The following PARM1 variants were observed in gnomAD, a reference collection of about 807,000 sequenced individuals.
PARM1 encodes WSC4, cell wall integrity and stress response component 4 homolog.
Under a neutral mutation model 24.6 loss-of-function variants are expected in PARM1, and 14 were observed. The ratio of observed to expected loss-of-function variants is 0.57; its 90% CI spans 0.38 to 0.89. PARM1 has a LOEUF of 0.89. Among genes scored for constraint, PARM1 ranks in the 40% least tolerant of loss-of-function variants. PARM1 has a pLI of 0.00. For missense variants in PARM1, 362 were observed against 380.4 expected (o/e 0.95, Z 0.40); for synonymous variants, 179 against 156.6 (o/e 1.14, Z -1.07).
chr4:74,949,401 C>T (rs1365871873), intron 1 of PARM1, among the ~76,000 whole-genome samples: 1 of 152,148 alleles, frequency 6.6e-6, no homozygotes, highest in Admixed American at 6.5e-5. Context: ...TCACTGCAAG[C>T]TCCGCCTCCC....
chr4:75,045,311 C>T (rs1324601986), intron 3 of PARM1, among the ~76,000 whole-genome samples: 1 of 152,168 alleles, frequency 6.6e-6, no homozygotes, highest in African/African-American at 2.4e-5. Flanking sequence ...GGGCCAGACC[C>T]CATAGGGCTT....
At chr4:74,937,140 T>G (rs1254856176) in intron 1 of PARM1, among the ~76,000 whole-genome samples, 8 of 152,200 alleles carry the variant, frequency 5.3e-5, no homozygotes, top group African/African-American at 1.7e-4. Flanking sequence ...AAGGAAGACT[T>G]ACTTCACCCT....
chr4:74,962,141 G>A (rs1462970576), intron 1 of PARM1, among the ~76,000 whole-genome samples: 1 of 152,124 alleles, frequency 6.6e-6, no homozygotes, highest in Non-Finnish European at 1.5e-5. Flanking sequence ...ATACAGTTCT[G>A]TAATATCAAT....
At chr4:74,935,189 C>T (rs943446080) in intron 1 of PARM1, among the ~76,000 whole-genome samples, 1 of 151,844 alleles carries the variant, frequency 6.6e-6, no homozygotes, top group African/African-American at 2.4e-5. Flanking sequence ...CTGTGAGGCT[C>T]GAGACTCAGG....
intron 1 of PARM1, among the ~76,000 whole-genome samples, chr4:74,996,526 C>CA (rs1722579360): frequency 6.6e-6 from 1 of 151,270 alleles, no homozygotes; most frequent in Non-Finnish European, 1.5e-5. Context: ...TGTAGATTGA[C>CA]CTATTGAATT....
chr4:74,989,997 G>A (rs1301032351), intron 1 of PARM1, among the ~76,000 whole-genome samples: 1 of 152,088 alleles, frequency 6.6e-6, no homozygotes, highest in African/African-American at 2.4e-5. Context: ...ATGAATATGA[G>A]AAACACTGGA....
intron 1 of PARM1, among the ~76,000 whole-genome samples, chr4:74,944,662 C>A (rs752344484): frequency 2.0e-5 from 3 of 152,138 alleles, no homozygotes; most frequent in Non-Finnish European, 2.9e-5. Flanking sequence ...TTCAATGCCT[C>A]CCATCTCAAA....
At chr4:74,981,978 A>G (rs753995105) in intron 1 of PARM1, among the ~76,000 whole-genome samples, 4 of 152,050 alleles carry the variant, frequency 2.6e-5, no homozygotes, top group Non-Finnish European at 4.4e-5. Flanking sequence ...TCATTCTGTT[A>G]TAAGATACCC....
At chr4:74,972,602 T>G (rs1722060766) in intron 1 of PARM1, among the ~76,000 whole-genome samples, 1 of 152,218 alleles carries the variant, frequency 6.6e-6, no homozygotes, top group Non-Finnish European at 1.5e-5. Context: ...GTAAATAGCT[T>G]CTTGGAACCA....
At chr4:74,981,852 CTGAG>C in intron 1 of PARM1, among the ~76,000 whole-genome samples, 1 of 137,768 alleles carries the variant, frequency 7.3e-6, no homozygotes, top group African/African-American at 2.8e-5. Flanking sequence ...AAATAACAGT[CTGAG>C]TGATAAAGTG....
At chr4:75,015,978 A>C (rs745946811) in intron 2 of PARM1, among the ~76,000 whole-genome samples, 1 of 152,216 alleles carries the variant, frequency 6.6e-6, no homozygotes, top group Non-Finnish European at 1.5e-5. Flanking sequence ...CACATTTTGC[A>C]TAGCATTTTG....
intron 1 of PARM1, among the ~76,000 whole-genome samples, chr4:74,983,661 C>T (rs1722301558): frequency 6.6e-6 from 1 of 152,194 alleles, no homozygotes; most frequent in Non-Finnish European, 1.5e-5. Context: ...CATTACTTTT[C>T]CTCTCTTCTT....
chr4:74,960,228 G>T (rs1270250848), intron 1 of PARM1, among the ~76,000 whole-genome samples: 4 of 152,208 alleles, frequency 2.6e-5, no homozygotes, highest in Non-Finnish European at 5.9e-5. Context: ...CACGTTGCAA[G>T]CCCTTCTCCC....
At chr4:74,970,002 A>G (rs1312125354) in intron 1 of PARM1, 1 of 152,196 alleles carries the variant, frequency 6.6e-6, no homozygotes, top group Non-Finnish European at 1.5e-5. Context: ...TGGCAGATTT[A>G]AAAATCACAG....
At chr4:75,033,671 A>G (rs538515815) in intron 2 of PARM1, among the ~76,000 whole-genome samples, 2 of 152,320 alleles carry the variant, frequency 1.3e-5, no homozygotes, top group Non-Finnish European at 2.9e-5. Context: ...CGATTTACCC[A>G]ATTTCACCTG....
intron 1 of PARM1, among the ~76,000 whole-genome samples, chr4:74,941,311 G>A (rs549455853): frequency 6.6e-6 from 1 of 152,294 alleles, no homozygotes; most frequent in African/African-American, 2.4e-5. Flanking sequence ...GTTGCTGGGG[G>A]CAGGAAGTGT....
At chr4:74,933,436 G>A (rs189562495) in intron 1 of PARM1, 66 bp downstream of exon 1, 3 of 1,429,042 alleles carry the variant, frequency 2.1e-6, no homozygotes, top group Non-Finnish European at 3.0e-6. Context: ...GCGCGTGGTC[G>A]GGGCTGAAGC....
At chr4:74,958,660 A>G (rs551987495) in intron 1 of PARM1, among the ~76,000 whole-genome samples, 2 of 152,258 alleles carry the variant, frequency 1.3e-5, no homozygotes, top group South Asian at 4.2e-4. Context: ...TACTCTGAGA[A>G]ATGATAGTTA....
In PARM1 at chr4:74,978,659, A is replaced by G. The variant is rs538745470; in HGVS notation, c.44-33766A>G. On this transcript the variant is annotated intron_variant, in intron 1 of 3. Coordinates refer to ENST00000307428, the MANE Select transcript of PARM1 (RefSeq NM_015393.4). Reference sequence around the variant, plus strand: ...CCACCCCAAAAATAATGGAATATACATTCTTCTCAGAATTGCCTGACACTT... The same window carrying G: ...CCACCCCAAAAATAATGGAATATACGTTCTTCTCAGAATTGCCTGACACTT... Among the ~76,000 whole-genome samples, 3 of 152,324 alleles carry G rather than the reference A, an allele frequency of 2.0e-5. No individual in the cohort carries two copies. The East Asian group carries it at 5.8e-4, about 29-fold the overall frequency.
Sources: gnomAD v4.1 joint callset for allele counts (sites outside exome capture counted in the v4.1 genomes callset) on GRCh38, gnomAD v4.1.1 for gene constraint, MANE v1.5 for transcripts, NCBI Gene and HGNC (gene_info 2026-07-23, HGNC 2026-07-21) for gene names.